The following DCLRE1C variants were observed in gnomAD, a reference collection of about 807,000 sequenced individuals.
The protein encoded by DCLRE1C is DNA cross-link repair 1C.
Under a neutral mutation model 61.4 loss-of-function variants are expected in DCLRE1C, and 47 were observed. The ratio of observed to expected loss-of-function variants is 0.77; its 90% CI spans 0.61 to 0.98. The LOEUF (loss-of-function observed/expected upper bound fraction) is 0.98, where lower values mean the gene tolerates loss of function less well. Among genes scored for constraint, DCLRE1C ranks in the 50% least tolerant of loss-of-function variants. The probability of loss-of-function intolerance (pLI) is 0.00; values close to 1 mark genes in which losing one functional copy is unlikely to be tolerated. For synonymous variants in DCLRE1C, 337 were observed against 287.6 expected, an observed-to-expected ratio of 1.17 and a Z score of -1.74; for missense variants, 858 against 816.0, an observed-to-expected ratio of 1.05 and a Z score of -0.63.
chr10:14,922,922 G>C, intron 12 of DCLRE1C, 59 bp downstream of exon 12: 1 of 1,191,948 alleles, frequency 8.4e-7, no homozygotes, highest in Non-Finnish European at 1.3e-6. Context: ...ACTCTCCTTT[G>C]TGTCCTAGCC....
chr10:14,919,174 T>C (rs917998264), intron 13 of DCLRE1C, among the ~76,000 whole-genome samples: 6 of 152,332 alleles, frequency 3.9e-5, no homozygotes, highest in Middle Eastern at 3.4e-3. Context: ...ATAGGGCTGC[T>C]GGAAAGCCCC....
chr10:14,939,695 A>T (rs1264699026), intron 4 of DCLRE1C, 115 bp downstream of exon 4: 2 of 844,814 alleles, frequency 2.4e-6, no homozygotes, highest in Non-Finnish European at 3.7e-6. Context: ...TCAAAGAGAA[A>T]GATTGAGGGT....
upstream of DCLRE1C, chr10:14,954,247 C>G (rs942430037): frequency 1.6e-6 from 1 of 632,332 alleles, no homozygotes; most frequent in Non-Finnish European, 2.8e-6. Flanking sequence ...CGCGATGGGC[C>G]CTGAGCCCTG....
chr10:14,898,958 T>C, exon 14 of DCLRE1C: 1 of 451,256 alleles, frequency 2.2e-6, no homozygotes, highest in South Asian at 5.3e-5. Flanking sequence ...TAGAGAGCTA[T>C]AGTTGTATAG....
At chr10:14,925,648 T>C (rs1283908954) in intron 11 of DCLRE1C, among the ~76,000 whole-genome samples, 1 of 152,190 alleles carries the variant, frequency 6.6e-6, no homozygotes, top group Admixed American at 6.5e-5. Flanking sequence ...AATAGCCCTA[T>C]AACCCATGCC....
intron 9 of DCLRE1C, among the ~76,000 whole-genome samples, chr10:14,930,781 C>T (rs918683094): frequency 2.6e-5 from 4 of 152,104 alleles, no homozygotes; most frequent in Non-Finnish European, 4.4e-5. Flanking sequence ...ATCCACTGGA[C>T]GTGTCTGTAT....
chr10:14,902,369 C>G, downstream of DCLRE1C: 1 of 1,402,956 alleles, frequency 7.1e-7, no homozygotes, highest in Non-Finnish European at 9.8e-7. Flanking sequence ...ATTGTCTTAA[C>G]TCTCTTTCTC....
Position 14,928,120 on chromosome 10 carries a change from G to A in DCLRE1C, c.813C>T (p.Pro271=). 1.2e-6 allele frequency: 2 copies of A among 1,613,338 alleles called. No homozygotes were observed. The highest frequency in any genetic ancestry group is 2.2e-5 in the South Asian group (2 of 91,070). The change falls in exon 10 of 14, where the codon CCC becomes CCT. Residue 271 remains proline, a synonymous_variant. Transcript: ENST00000378278. ...TTCTATTTCTGGAAGTAATTCCACAGGGTAATTTGCTCCACTGAAAATATT... is the reference window on the plus strand; with the variant it reads ...TTCTATTTCTGGAAGTAATTCCACAAGGTAATTTGCTCCACTGAAAATATT... ...AEEYFQWSKL[P]CGITSRNRIP...
In DCLRE1C at chr10:14,908,731, T is replaced by A; in HGVS notation, c.1756A>T (p.Ile586Phe). 2 of 1,614,216 alleles carry A rather than the reference T, an allele frequency of 1.2e-6. No individual in the cohort carries two copies. Among genetic ancestry groups the A allele is most frequent in the South Asian group, 1.1e-5 (1 of 91,082 alleles). Residue 586 changes from isoleucine to phenylalanine, a missense_variant, in exon 14 of 14, where the codon ATT (isoleucine) becomes TTT (phenylalanine). Transcript: ENST00000378278. ...ADYRPTIKEN[I>F]PASLMEQNVI... Reference sequence around the variant, plus strand: ...TTTTGTTCCATGAGAGAGGCAGGAATATTCTCTTTGATTGTTGGTCTGTAG... The same window carrying A: ...TTTTGTTCCATGAGAGAGGCAGGAAAATTCTCTTTGATTGTTGGTCTGTAG...
chr10:14,950,075 T>C (rs541468375), intron 1 of DCLRE1C, among the ~76,000 whole-genome samples: 3 of 151,660 alleles, frequency 2.0e-5, no homozygotes, highest in Non-Finnish European at 4.4e-5. Context: ...GCGCGGTGGC[T>C]CATGCCTGTA....
At chr10:14,951,298 G>A (rs1842414160) in intron 1 of DCLRE1C, among the ~76,000 whole-genome samples, 1 of 150,566 alleles carries the variant, frequency 6.6e-6, no homozygotes, top group Non-Finnish European at 1.5e-5. Context: ...GCTGAGGTGG[G>A]AGGATTGGTT....
chr10:14,928,684 C>T (rs570424716), intron 9 of DCLRE1C, among the ~76,000 whole-genome samples: 5 of 152,006 alleles, frequency 3.3e-5, no homozygotes, highest in Admixed American at 6.6e-5. Context: ...TGTAACTACT[C>T]TCAATTGGTT....
chr10:14,939,949 T>G (rs1315659695), intron 3 of DCLRE1C, 80 bp from the exon 4 acceptor site: 4 of 1,103,252 alleles, frequency 3.6e-6, no homozygotes, highest in Non-Finnish European at 5.4e-6. Flanking sequence ...AACACAGAAA[T>G]GGGGCAAAGA....
intron 4 of DCLRE1C, 82 bp downstream of exon 4, chr10:14,939,728 G>C: frequency 2.5e-6 from 3 of 1,217,374 alleles, no homozygotes; most frequent in Non-Finnish European, 3.6e-6. Flanking sequence ...TGGAGCATCT[G>C]ACTGCAAAAT....
chr10:14,945,211 A>G (rs776925514), intron 2 of DCLRE1C, 22 bp from the exon 3 acceptor site: 1 of 1,600,190 alleles, frequency 6.2e-7, no homozygotes, highest in Non-Finnish European at 8.5e-7. Flanking sequence ...AAAGAAAAAA[A>G]CTTTCAGTAC....
chr10:14,920,343 CA>C, intron 12 of DCLRE1C: 1 of 1,022,622 alleles, frequency 9.8e-7, no homozygotes, highest in Non-Finnish European at 1.2e-6. Context: ...AGATAAAATA[CA>C]AAAAGGCAGA....
At position 14,908,577 on chromosome 10, in the gene DCLRE1C, A is replaced by G; in HGVS notation, c.1910T>C (p.Leu637Pro). 1 of 1,614,192 alleles carries G rather than the reference A, an allele frequency of 6.2e-7. No individual in the cohort carries two copies. Among genetic ancestry groups the G allele is most frequent in the Non-Finnish European group, 8.5e-7 (1 of 1,180,034 alleles). ...GGAATCTGCATTTGTGCTAAGATTT[A>G]GCAAACTTTTTTCCTCGGGTATATG... is the stretch of plus-strand genomic sequence containing the variant. The part of the protein sequence containing the change: ...ETHIPEEKSL[L>P]NLSTNADSQS... The change falls in exon 14 of 14, where the codon CTA becomes CCA. Residue 637 changes from leucine (L) to proline (P), a missense_variant. This residue lies in a region of DCLRE1C where 843 missense variants were observed against 783.5 expected (regional missense o/e 1.08). Transcript: ENST00000378278.
chr10:14,902,630 A>G, downstream of DCLRE1C: 2 of 677,306 alleles, frequency 3.0e-6, no homozygotes, highest in Non-Finnish European at 4.7e-6. Flanking sequence ...TTTACAATTC[A>G]TGTTTCAAGA....
chr10:14,954,305 G>C (rs146437763), upstream of DCLRE1C: 35 of 512,542 alleles, frequency 6.8e-5, no homozygotes, highest in Non-Finnish European at 1.2e-4. Context: ...TGTTGCTCTG[G>C]TAAGGCGTTG....
Sources: allele counts gnomAD v4.1 joint callset (sites outside exome capture counted in the v4.1 genomes callset), GRCh38; gene constraint gnomAD v4.1.1; regional missense constraint gnomAD v4.1.1; transcripts MANE v1.5; gene names NCBI Gene and HGNC (gene_info 2026-07-23, HGNC 2026-07-21).